The following ERAP1 variants were observed in gnomAD, a reference collection of about 807,000 sequenced individuals.
ERAP1 encodes the protein endoplasmic reticulum aminopeptidase 1.
Under a neutral mutation model 103.7 loss-of-function variants are expected in ERAP1, and 86 were observed. The ratio of observed to expected loss-of-function variants is 0.83; its 90% CI spans 0.70 to 0.99. The LOEUF is 0.99. Ranked by LOEUF, ERAP1 falls within the 50% of genes least tolerant of loss-of-function variation. The probability of loss-of-function intolerance (pLI) is 0.00; values close to 1 mark genes in which losing one functional copy is unlikely to be tolerated. For missense variants in ERAP1, 1,009 were observed against 1,128.4 expected (o/e 0.89, Z 1.52); for synonymous variants, 398 against 402.4 (o/e 0.99, Z 0.13).
chr5:96,909,145 A>T, the ERAP1 span: 2 of 1,594,572 alleles, frequency 1.3e-6, no homozygotes, highest in East Asian at 2.2e-5. Context: ...AAAATGTATT[A>T]AGTAAATACA....
the ERAP1 span, among the ~76,000 whole-genome samples, chr5:96,836,908 CAGA>C: frequency 9.9e-5 from 15 of 152,088 alleles, no homozygotes; most frequent in Non-Finnish European, 1.5e-4. Context: ...TAATGCAAAT[CAGA>C]AGATTTTTTA....
At chr5:96,854,923 T>C in the ERAP1 span, among the ~76,000 whole-genome samples, 1 of 152,228 alleles carries the variant, frequency 6.6e-6, no homozygotes, top group African/African-American at 2.4e-5. Context: ...TCAGGCTTCA[T>C]CTTTTCTTGA....
chr5:96,897,101 A>G, the ERAP1 span, among the ~76,000 whole-genome samples: 3 of 152,156 alleles, frequency 2.0e-5, no homozygotes, highest in Non-Finnish European at 4.4e-5. Flanking sequence ...TTTCTCTTCT[A>G]CGACTAATCC....
At chr5:96,916,456 C>CTTTTT in the ERAP1 span, among the ~76,000 whole-genome samples, 15 of 97,630 alleles carry the variant, frequency 1.5e-4, no homozygotes, top group African/African-American at 3.4e-4. Flanking sequence ...TTCTAGTTAT[C>CTTTTT]TTTTTTTTTT....
chr5:96,799,064 C>T (rs1777687975), intron 3 of ERAP1, among the ~76,000 whole-genome samples: 1 of 151,762 alleles, frequency 6.6e-6, no homozygotes, highest in Non-Finnish European at 1.5e-5. Flanking sequence ...CAGGGTTTTA[C>T]CATGTTGGCC....
the ERAP1 span, among the ~76,000 whole-genome samples, chr5:96,848,532 C>A: frequency 1.3e-5 from 2 of 152,034 alleles, no homozygotes; most frequent in Non-Finnish European, 2.9e-5. Context: ...ATTGAATAAC[C>A]TAGAAGGAAT....
the ERAP1 span, chr5:96,896,343 C>T: frequency 6.3e-7 from 1 of 1,576,688 alleles, no homozygotes; most frequent in Non-Finnish European, 8.7e-7. Context: ...CAAATAGAAA[C>T]TAAAACTAAA....
At chr5:96,798,871 C>CTTTTTTTTTTTTTT (rs10646647) in intron 3 of ERAP1, among the ~76,000 whole-genome samples, 1 of 124,878 alleles carries the variant, frequency 8.0e-6, no homozygotes. Flanking sequence ...CAAAAATTTC[C>CTTTTTTTTTTTTTT]TTTTTTTTTT....
At chr5:96,786,123 A>G in intron 12 of ERAP1, 152 bp from the exon 13 acceptor site, 1 of 715,980 alleles carries the variant, frequency 1.4e-6, no homozygotes, top group Admixed American at 2.3e-5. Flanking sequence ...GAAAACAGCA[A>G]CTCAATAGAC....
chr5:96,879,884 C>T, the ERAP1 span: 4 of 1,614,062 alleles, frequency 2.5e-6, no homozygotes, highest in Non-Finnish European at 3.4e-6. Context: ...TTGGCAGGAG[C>T]TAAGGCTCCC....
intron 18 of ERAP1, 151 bp downstream of exon 18, chr5:96,780,272 G>C: frequency 1.8e-6 from 1 of 542,994 alleles, no homozygotes; most frequent in Non-Finnish European, 3.1e-6. Flanking sequence ...ACTGATTTAT[G>C]CTGCTGTCAA....
chr5:96,804,926 A>G (rs113180484), intron 1 of ERAP1: 1 of 148,706 alleles, frequency 6.7e-6, no homozygotes, highest in Non-Finnish European at 1.5e-5. Flanking sequence ...GCCTGGCAAC[A>G]GAGCAAGACT....
intron 18 of ERAP1, chr5:96,779,567 C>G (rs1390237116): frequency 6.6e-6 from 1 of 152,124 alleles, no homozygotes; most frequent in Non-Finnish European, 1.5e-5. Flanking sequence ...TGTAACCAGA[C>G]TACACAATGG....
At chr5:96,862,315 C>T in the ERAP1 span, among the ~76,000 whole-genome samples, 23 of 152,258 alleles carry the variant, frequency 1.5e-4, no homozygotes, top group African/African-American at 4.8e-4. Flanking sequence ...AAAGGTGATA[C>T]TATAAGTTCT....
chr5:96,761,058 A>G (rs1767777954), exon 20 of ERAP1: 2 of 152,134 alleles, frequency 1.3e-5, no homozygotes, highest in South Asian at 4.1e-4. Flanking sequence ...AAATTGAGAA[A>G]TGGACATAAA....
chr5:96,845,840 T>C, the ERAP1 span, among the ~76,000 whole-genome samples: 1,190 of 152,310 alleles, frequency 7.8e-3, 18 homozygotes, highest in African/African-American at 0.027. Flanking sequence ...CAAACTTTTG[T>C]ATATGTTCTG....
chr5:96,897,295 T>G, the ERAP1 span, among the ~76,000 whole-genome samples: 1 of 152,222 alleles, frequency 6.6e-6, no homozygotes, highest in African/African-American at 2.4e-5. Context: ...TCATTGTGCC[T>G]ATATTTCTAG....
the ERAP1 span, among the ~76,000 whole-genome samples, chr5:96,841,073 C>G: frequency 6.6e-6 from 1 of 152,192 alleles, no homozygotes; most frequent in Non-Finnish European, 1.5e-5. Context: ...ACTGGGGTAG[C>G]TGAAGCATTA....
chr5:96,832,903 T>TGG, the ERAP1 span, among the ~76,000 whole-genome samples: 1 of 152,188 alleles, frequency 6.6e-6, no homozygotes, highest in Non-Finnish European at 1.5e-5. Context: ...TATTAGAAGA[T>TGG]GGGGCCTTTG....
Sources: gnomAD v4.1 joint callset for allele counts (sites outside exome capture counted in the v4.1 genomes callset) on GRCh38, gnomAD v4.1.1 for gene constraint, MANE v1.5 for transcripts, NCBI Gene and HGNC (gene_info 2026-07-23, HGNC 2026-07-21) for gene names.